GPC6: variants seen among roughly 807,000 people sequenced by gnomAD.
The protein encoded by GPC6 is glypican-6.
A neutral mutation model predicts 55.2 loss-of-function variants in GPC6; 14 were observed. The observed-to-expected ratio is 0.25, with a 90% confidence interval of 0.17 to 0.40. GPC6 has a LOEUF of 0.40. Among genes scored for constraint, GPC6 ranks in the 10% least tolerant of loss-of-function variants. The pLI, the probability that GPC6 is intolerant of heterozygous loss-of-function variation, is 1.00. For synonymous variants in GPC6, 278 were observed against 259.6 expected (o/e 1.07, Z -0.68); for missense variants, 641 against 708.5 (o/e 0.90, Z 1.08).
intron 2 of GPC6, among the ~76,000 whole-genome samples, chr13:93,624,235 C>G (rs989149133): frequency 1.3e-5 from 2 of 151,650 alleles, no homozygotes; most frequent in Admixed American, 1.3e-4. Flanking sequence ...GATCTGAGAG[C>G]TGGCAGTGGA....
intron 2 of GPC6, among the ~76,000 whole-genome samples, chr13:93,633,259 A>G (rs2139574510): frequency 6.6e-6 from 1 of 152,312 alleles, no homozygotes; most frequent in African/African-American, 2.4e-5. Context: ...GACACTGACT[A>G]TTGTAAAATT....
intron 4 of GPC6, among the ~76,000 whole-genome samples, chr13:94,273,226 G>C (rs769716539): frequency 2.0e-5 from 3 of 152,136 alleles, no homozygotes; most frequent in Non-Finnish European, 4.4e-5. Context: ...GCCTGTGGCT[G>C]GTGGCACCAA....
chr13:94,158,732 G>A (rs1184231727), intron 4 of GPC6, among the ~76,000 whole-genome samples: 2 of 152,180 alleles, frequency 1.3e-5, no homozygotes, highest in Non-Finnish European at 2.9e-5. Context: ...CAACTCAGGA[G>A]TGGCAGGTGA....
intron 2 of GPC6, among the ~76,000 whole-genome samples, chr13:93,772,119 T>A (rs1328379658): frequency 1.3e-5 from 2 of 152,188 alleles, no homozygotes; most frequent in Non-Finnish European, 2.9e-5. Flanking sequence ...TCAGTGCACT[T>A]TTGAGAATTA....
chr13:94,398,738 A>G (rs1881003393), intron 8 of GPC6, 97 bp downstream of exon 8: 1 of 920,006 alleles, frequency 1.1e-6, no homozygotes, highest in African/African-American at 1.6e-5. Flanking sequence ...TGCCCTTTTA[A>G]TTTATTCTCA....
intron 3 of GPC6, among the ~76,000 whole-genome samples, chr13:93,848,748 C>T (rs12429856): frequency 0.035 from 5,261 of 152,072 alleles, 272 homozygotes; most frequent in East Asian, 0.17. Flanking sequence ...TATCTTTAGT[C>T]CCAACTCAAC....
chr13:94,356,685 C>T (rs1051873362), intron 6 of GPC6, among the ~76,000 whole-genome samples: 1 of 152,152 alleles, frequency 6.6e-6, no homozygotes, highest in Non-Finnish European at 1.5e-5. Flanking sequence ...AAGGCTTGAG[C>T]TGGCAGGGAG....
At chr13:93,878,495 C>T (rs1453515539) in intron 3 of GPC6, among the ~76,000 whole-genome samples, 1 of 152,114 alleles carries the variant, frequency 6.6e-6, no homozygotes, top group Non-Finnish European at 1.5e-5. Flanking sequence ...TCTCCTGCCT[C>T]AGCCTCCCGA....
At chr13:93,535,298 A>G (rs1301689199) in intron 1 of GPC6, among the ~76,000 whole-genome samples, 1 of 152,194 alleles carries the variant, frequency 6.6e-6, no homozygotes, top group East Asian at 1.9e-4. Context: ...GTTATATCAA[A>G]TACTTGTAGG....
chr13:93,496,378 C>A (rs981973956), intron 1 of GPC6, among the ~76,000 whole-genome samples: 1 of 152,202 alleles, frequency 6.6e-6, no homozygotes, highest in African/African-American at 2.4e-5. Context: ...CGCCCTGCTT[C>A]GGCTCGCGCA....
intron 2 of GPC6, among the ~76,000 whole-genome samples, chr13:93,603,201 A>G (rs1474143894): frequency 6.6e-6 from 1 of 151,860 alleles, no homozygotes; most frequent in Non-Finnish European, 1.5e-5. Context: ...TAAAGACATG[A>G]TCTCACTCTG....
chr13:94,360,738 T>C (rs1178660106), intron 6 of GPC6, among the ~76,000 whole-genome samples: 5 of 152,196 alleles, frequency 3.3e-5, no homozygotes, highest in Admixed American at 1.3e-4. Context: ...TCCATCTTTT[T>C]TGAAATGAGT....
At chr13:93,711,691 C>G (rs1883073814) in intron 2 of GPC6, among the ~76,000 whole-genome samples, 2 of 151,682 alleles carry the variant, frequency 1.3e-5, no homozygotes, top group Admixed American at 6.6e-5. Context: ...CAAGAGTCAG[C>G]TTCCTTAGCT....
At position 93,715,413 on chromosome 13, in the gene GPC6, A is replaced by G. The variant is rs148551722; in HGVS notation, c.320-114741A>G. Among the ~76,000 whole-genome samples, 725 of 151,722 alleles carry G rather than the reference A, an allele frequency of 4.8e-3. 7 individuals carry two copies. The highest frequency in any genetic ancestry group is 0.017 in the African/African-American group (690 of 41,446). ...TGTTAGTGGGAGCTAAATATTGGGT[A>G]CTTGAGGACATAAAGATGGCAGTAA... On this transcript the variant is annotated intron_variant, in intron 2 of 8. Coordinates refer to ENST00000377047, the MANE Select transcript of GPC6 (RefSeq NM_005708.5).
intron 4 of GPC6, among the ~76,000 whole-genome samples, chr13:94,236,281 C>T (rs1890873478): frequency 6.6e-6 from 1 of 152,136 alleles, no homozygotes; most frequent in Non-Finnish European, 1.5e-5. Context: ...GACGGAGCAG[C>T]AGCATACCCT....
intron 2 of GPC6, among the ~76,000 whole-genome samples, chr13:93,782,313 T>C (rs1885676702): frequency 6.6e-6 from 1 of 152,200 alleles, no homozygotes; most frequent in Non-Finnish European, 1.5e-5. Context: ...TATATCACAT[T>C]TTCCTTATCC....
chr13:93,256,169 C>CAAAA (rs1230331244), intron 1 of GPC6, among the ~76,000 whole-genome samples: 1 of 55,104 alleles, frequency 1.8e-5, no homozygotes, highest in Non-Finnish European at 3.6e-5. Flanking sequence ...GACTCCATCT[C>CAAAA]AAAAAAAAAA....
intron 3 of GPC6, among the ~76,000 whole-genome samples, chr13:93,919,116 C>G (rs1225885422): frequency 1.3e-5 from 2 of 152,130 alleles, no homozygotes; most frequent in African/African-American, 2.4e-5. Context: ...AGTACCTCCT[C>G]CCTCTCTCTC....
intron 3 of GPC6, among the ~76,000 whole-genome samples, chr13:93,849,045 A>T (rs981791425): frequency 2.0e-5 from 3 of 152,110 alleles, no homozygotes; most frequent in Non-Finnish European, 4.4e-5. Flanking sequence ...ACATTGTACC[A>T]TACAGTGGGC....
Sources: gnomAD v4.1 joint callset for allele counts (sites outside exome capture counted in the v4.1 genomes callset) on GRCh38, gnomAD v4.1.1 for gene constraint, MANE v1.5 for transcripts, NCBI Gene and HGNC (gene_info 2026-07-23, HGNC 2026-07-21) for gene names.